Variants in BTBD1 observed in about 807,000 individuals in gnomAD.
The protein encoded by BTBD1 is BTB/POZ domain-containing protein 1.
A neutral mutation model predicts 48.0 loss-of-function variants in BTBD1; 34 were observed. That is an observed-to-expected ratio of 0.71 (90% CI 0.54 to 0.94). The LOEUF (loss-of-function observed/expected upper bound fraction) is 0.94, where lower values mean the gene tolerates loss of function less well. BTBD1 is among the 40% of genes least tolerant of loss of function. The pLI, the probability that BTBD1 is intolerant of heterozygous loss-of-function variation, is 0.00. For missense variants in BTBD1, 543 were observed against 625.6 expected, an observed-to-expected ratio of 0.87 and a Z score of 1.41; for synonymous variants, 261 against 242.1, an observed-to-expected ratio of 1.08 and a Z score of -0.72.
intron 3 of BTBD1, among the ~76,000 whole-genome samples, chr15:83,045,389 C>T (rs1404089951): frequency 1.3e-5 from 2 of 152,104 alleles, no homozygotes; most frequent in South Asian, 4.2e-4. Flanking sequence ...CCCAGCTACT[C>T]GGGATGCTGG....
chr15:83,039,851 A>G (rs2151306077), intron 4 of BTBD1, among the ~76,000 whole-genome samples: 1 of 152,004 alleles, frequency 6.6e-6, no homozygotes, highest in East Asian at 1.9e-4. Context: ...CAACCCAGCA[A>G]TCCCATTACT....
chr15:83,064,479 T>C (rs1381592902), intron 1 of BTBD1, among the ~76,000 whole-genome samples: 1 of 152,194 alleles, frequency 6.6e-6, no homozygotes, highest in African/African-American at 2.4e-5. Flanking sequence ...TTTCTATTGA[T>C]GGGAAAGCAC....
At chr15:83,041,191 A>G (rs2032751806) in intron 4 of BTBD1, among the ~76,000 whole-genome samples, 1 of 150,614 alleles carries the variant, frequency 6.6e-6, no homozygotes, top group Non-Finnish European at 1.5e-5. Flanking sequence ...AGCCAAAAAG[A>G]TCTGTCATAA....
chr15:83,023,721 A>AT (rs2032346961), intron 5 of BTBD1, among the ~76,000 whole-genome samples: 1 of 152,098 alleles, frequency 6.6e-6, no homozygotes, highest in Non-Finnish European at 1.5e-5. Context: ...TTAGGTAAAC[A>AT]TTGTCAAGTT....
rs971212466 is a variant in BTBD1, at chr15:83,017,830, G to A, written c.*237C>T. The A allele has an allele frequency of 3.9e-6, 1 of 255,642 alleles. No homozygotes were observed. The highest frequency in any genetic ancestry group is 7.3e-6 in the Non-Finnish European group (1 of 136,962). The allele number at this position is 255,642 out of a possible 1,614,324, so 15.8% of individuals were successfully genotyped here. ...TACAAGATGAAGGTGAAAAAGCTGT[G>A]CTTTTTTTTAAACCATTAAACCCAG... On this transcript the variant is annotated 3_prime_UTR_variant, in exon 8 of 8. Transcript: ENST00000261721.
At chr15:83,059,418 G>A (rs944830079) in intron 1 of BTBD1, among the ~76,000 whole-genome samples, 10 of 152,062 alleles carry the variant, frequency 6.6e-5, no homozygotes, top group Non-Finnish European at 1.5e-4. Context: ...GGTGGCGGGC[G>A]CCTGTAATCC....
chr15:83,028,000 A>T (rs2151301716), intron 5 of BTBD1, among the ~76,000 whole-genome samples: 1 of 152,374 alleles, frequency 6.6e-6, no homozygotes, highest in African/African-American at 2.4e-5. Flanking sequence ...CTTATCAATT[A>T]AAAAATGTAT....
chr15:83,039,644 G>T (rs1387126264), intron 4 of BTBD1, among the ~76,000 whole-genome samples: 1 of 151,714 alleles, frequency 6.6e-6, no homozygotes, highest in African/African-American at 2.4e-5. Flanking sequence ...CTTGGTGGCG[G>T]GCGGGCGTAT....
chr15:83,052,531 A>G (rs1046270662), intron 2 of BTBD1, among the ~76,000 whole-genome samples: 15 of 152,010 alleles, frequency 9.9e-5, no homozygotes, highest in African/African-American at 3.1e-4. Flanking sequence ...TTTTAATAAC[A>G]TTTTTCCTTC....
intron 2 of BTBD1, among the ~76,000 whole-genome samples, chr15:83,053,269 G>T (rs1440947818): frequency 1.3e-5 from 2 of 152,128 alleles, no homozygotes; most frequent in African/African-American, 4.8e-5. Flanking sequence ...TTAAGTAAAT[G>T]AACATGCTCA....
At position 83,056,391 on chromosome 15, in the gene BTBD1, G is replaced by C; in HGVS notation, c.556C>G (p.Gln186Glu). 2 of 1,607,416 alleles carry C rather than the reference G, an allele frequency of 1.2e-6. No individual in the cohort carries two copies. Among genetic ancestry groups the C allele is most frequent in the Non-Finnish European group, 1.7e-6 (2 of 1,174,132 alleles). Residue 186 changes from glutamine (Q) to glutamate (E), a missense_variant and splice_region_variant, in exon 2 of 8, where the codon CAG becomes GAG. Coordinates refer to ENST00000261721, the MANE Select transcript of BTBD1 (RefSeq NM_025238.4). ...ATACCTTAGCTACATTTACTTACCTGAGTAAGTAACATAAAGGCATTATCT... is the reference window on the plus strand; with the variant it reads ...ATACCTTAGCTACATTTACTTACCTCAGTAAGTAACATAAAGGCATTATCT... ...RADNAFMLLT[Q>E]ARLFDEPQLA...
rs1476807040 is a variant in BTBD1 at position 83,020,727 on chromosome 15, A to C, written c.1091T>G (p.Phe364Cys). ...TVNRRISIVG[F>C]GLYGSIHGPT... ...GCCATGAATAGATCCATACAAGCCA[A>C]ATCCAACTATAGAGATCCTTCTATT... The change falls in exon 6 of 8, where the codon TTT becomes TGT. Residue 364 changes from phenylalanine to cysteine, a missense_variant. By Grantham distance (205) the Phe-to-Cys change is radical. Around this residue, in one of 3 missense-constraint regions of BTBD1, gnomAD observed 300 missense variants for 350.0 expected, o/e 0.86. Coordinates refer to ENST00000261721, the MANE Select transcript of BTBD1 (RefSeq NM_025238.4). 1 of 1,608,572 alleles carries C rather than the reference A, an allele frequency of 6.2e-7. No individual in the cohort carries two copies. Among genetic ancestry groups the C allele is most frequent in the Non-Finnish European group, 8.5e-7 (1 of 1,175,398 alleles).
chr15:83,048,509 T>C (rs1256948583), intron 3 of BTBD1, among the ~76,000 whole-genome samples: 1 of 152,188 alleles, frequency 6.6e-6, no homozygotes, highest in African/African-American at 2.4e-5. Flanking sequence ...ATTGTTAGCC[T>C]ATCATTAGAT....
chr15:83,017,894 T>A lies in BTBD1; in HGVS notation c.*173A>T. 2.4e-6 allele frequency: 1 copy of A among 411,044 alleles called. No individual in the cohort carries two copies. The highest frequency in any genetic ancestry group is 4.2e-6 in the Non-Finnish European group (1 of 237,286). The allele number at this position is 411,044 out of a possible 1,614,324, so 25.5% of individuals were successfully genotyped here. Reference sequence around the variant, plus strand: ...AAGTTGTAAGAAAATGGAAAATCTGTTTTTAAATCATGCAAAGATTTAAAT... The same window carrying A: ...AAGTTGTAAGAAAATGGAAAATCTGATTTTAAATCATGCAAAGATTTAAAT... On this transcript the variant is annotated 3_prime_UTR_variant, in exon 8 of 8. Transcript: ENST00000261721.
chr15:83,022,736 G>A (rs1359952528), intron 5 of BTBD1: 1 of 152,020 alleles, frequency 6.6e-6, no homozygotes, highest in Non-Finnish European at 1.5e-5. Flanking sequence ...GGCTGAGGCA[G>A]GTGGATCATG....
intron 4 of BTBD1, among the ~76,000 whole-genome samples, chr15:83,035,264 A>C (rs1282883754): frequency 1.3e-5 from 2 of 152,172 alleles, no homozygotes; most frequent in Admixed American, 1.3e-4. Context: ...ACTGCACTCC[A>C]GCCTGGGTGA....
chr15:83,030,581 G>T (rs1284787298), intron 4 of BTBD1: 6 of 369,726 alleles, frequency 1.6e-5, no homozygotes, highest in Admixed American at 4.4e-5. Context: ...CCTCATGGAT[G>T]CCAGGAATCC....
Position 83,051,875 on chromosome 15 carries a change from T to TACACACACACACACACACACACACAC in BTBD1, c.559-1698_559-1697insGTGTGTGTGTGTGTGTGTGTGTGTGT, listed in dbSNP as rs1187803458. ...CATTTATTAATTTTTTTTCCATATA[T>TACACACACACACACACACACACACAC]ATACACACACACACACACACACACA... is the stretch of plus-strand genomic sequence containing the variant. On this transcript the variant is annotated intron_variant, in intron 2 of 7. Coordinates refer to ENST00000261721, the MANE Select transcript of BTBD1 (RefSeq NM_025238.4). Among the ~76,000 whole-genome samples the TACACACACACACACACACACACACAC allele has an allele frequency of 9.6e-3, 421 of 43,634 alleles. 1 individual carries two copies. Among genetic ancestry groups the TACACACACACACACACACACACACAC allele is most frequent in the African/African-American group, 0.02 (398 of 19,802 alleles). The allele number at this position is 43,634 out of a possible 152,430, so 28.6% of individuals were successfully genotyped here. A position where few individuals can be genotyped will look rare whatever the true frequency, so the allele number is the denominator to read the frequency against.
chr15:83,066,420 C>T (rs1186260568), intron 1 of BTBD1, among the ~76,000 whole-genome samples: 2 of 152,224 alleles, frequency 1.3e-5, no homozygotes, highest in Admixed American at 6.5e-5. Flanking sequence ...TCAGGACAAC[C>T]TGATCTGCCC....
Sources: gnomAD v4.1 joint callset for allele counts (sites outside exome capture counted in the v4.1 genomes callset) on GRCh38, gnomAD v4.1.1 for gene constraint, gnomAD v4.1.1 regional missense constraint, MANE v1.5 for transcripts, NCBI Gene and HGNC (gene_info 2026-07-23, HGNC 2026-07-21) for gene names.